IPO7: variants seen among roughly 807,000 people sequenced by gnomAD.
The protein encoded by IPO7 is importin 7.
Under a neutral mutation model 136.4 loss-of-function variants are expected in IPO7, and 13 were observed. The ratio of observed to expected loss-of-function variants is 0.10; its 90% CI spans 0.06 to 0.15. The LOEUF (loss-of-function observed/expected upper bound fraction) is 0.15. IPO7 is among the 10% of genes least tolerant of loss of function. The pLI, the probability that IPO7 is intolerant of heterozygous loss-of-function variation, is 1.00. For synonymous variants in IPO7, 403 were observed against 404.4 expected (o/e 1.00, Z 0.04); for missense variants, 857 against 1,240.6 (o/e 0.69, Z 4.65).
intron 4 of IPO7, among the ~76,000 whole-genome samples, chr11:9,413,119 C>A (rs1480193902): frequency 6.6e-6 from 1 of 152,024 alleles, no homozygotes; most frequent in East Asian, 1.9e-4. Context: ...ACCTCGTGAT[C>A]CTCCCGCCTC....
rs879117301 is a variant in IPO7 at position 9,446,247 on chromosome 11, A to C, written c.*1053A>C. On this transcript the variant is annotated 3_prime_UTR_variant, in exon 25 of 25. Coordinates refer to ENST00000379719, the MANE Select transcript of IPO7 (RefSeq NM_006391.3). ...GGCTATTATGTCTTGATTTGATTGC[A>C]GTTTTTTCCTAATTATAACAAATTT... 1.3e-5 allele frequency: 2 copies of C among 152,224 alleles called. No individual in the cohort carries two copies. The highest frequency in any genetic ancestry group is 4.1e-4 in the South Asian group (2 of 4,832). 9.4% of individuals were successfully genotyped at this position (152,224 alleles called of 1,614,324 possible). A position where few individuals can be genotyped will look rare whatever the true frequency, so the allele number is the denominator to read the frequency against.
intron 22 of IPO7, among the ~76,000 whole-genome samples, chr11:9,439,866 C>T (rs928123850): frequency 1.3e-5 from 2 of 152,198 alleles, no homozygotes; most frequent in African/African-American, 2.4e-5. Context: ...AGCCACCGCG[C>T]CCGGCGAATT....
chr11:9,432,309 C>T (rs1855306119), intron 16 of IPO7, among the ~76,000 whole-genome samples: 1 of 151,184 alleles, frequency 6.6e-6, no homozygotes, highest in South Asian at 2.1e-4. Context: ...TCAAGTGATT[C>T]TCCTGCCTCA....
intron 12 of IPO7, among the ~76,000 whole-genome samples, chr11:9,426,842 C>T (rs765330282): frequency 6.6e-5 from 10 of 152,250 alleles, no homozygotes; most frequent in Middle Eastern, 3.4e-3. Context: ...GCTGCAGCCA[C>T]CAGTCTCCCA....
intron 8 of IPO7, among the ~76,000 whole-genome samples, chr11:9,421,801 G>T (rs1024747503): frequency 6.6e-6 from 1 of 151,834 alleles, no homozygotes; most frequent in African/African-American, 2.4e-5. Flanking sequence ...AAATGTAGCC[G>T]GGCGTGGTGG....
chr11:9,420,777 T>G, intron 8 of IPO7, 79 bp downstream of exon 8: 1 of 999,050 alleles, frequency 1.0e-6, no homozygotes, highest in Non-Finnish European at 1.6e-6. Context: ...CCCAGTTTCT[T>G]TGACATCTAA....
intron 15 of IPO7, 114 bp from the exon 16 acceptor site, chr11:9,430,761 A>T: frequency 1.3e-6 from 1 of 758,732 alleles, no homozygotes; most frequent in South Asian, 1.9e-5. Flanking sequence ...CAATTTGGAG[A>T]CATTGATTTG....
chr11:9,384,884 G>C (rs766176839), intron 1 of IPO7, 37 bp downstream of exon 1: 1 of 1,531,066 alleles, frequency 6.5e-7, no homozygotes, highest in Non-Finnish European at 8.9e-7. Context: ...GCGGGCAGGC[G>C]GGTGGGCAGA....
chr11:9,440,047 A>G (rs1349765993), intron 22 of IPO7, among the ~76,000 whole-genome samples: 1 of 152,232 alleles, frequency 6.6e-6, no homozygotes, highest in Non-Finnish European at 1.5e-5. Context: ...ATAAGACTGT[A>G]CACTATCAGT....
rs1855515654 is a variant in IPO7 at position 9,445,450 on chromosome 11, C to G, written c.*256C>G. ...CTTTATTTTTTGAAGAAAGTAAGAT[C>G]CTGACTCTGAAGCTTCAAAGTGACA... On this transcript the variant is annotated 3_prime_UTR_variant, in exon 25 of 25. Transcript: ENST00000379719. The G allele has an allele frequency of 3.1e-6, 1 of 327,860 alleles. No homozygotes were observed. Among genetic ancestry groups the G allele is most frequent in the African/African-American group, 2.1e-5 (1 of 47,984 alleles). 20.3% of individuals were successfully genotyped at this position (327,860 alleles called of 1,614,324 possible).
At chr11:9,439,508 A>C (rs1172900053) in intron 22 of IPO7, among the ~76,000 whole-genome samples, 1 of 152,178 alleles carries the variant, frequency 6.6e-6, no homozygotes, top group Non-Finnish European at 1.5e-5. Flanking sequence ...CTGAATTAAC[A>C]GTATTAACAA....
chr11:9,428,864 C>T (rs376230087), intron 13 of IPO7, 167 bp from the exon 14 acceptor site: 6 of 796,814 alleles, frequency 7.5e-6, no homozygotes, highest in Middle Eastern at 2.2e-4. Context: ...AAACATCATG[C>T]GGCCAAAGAG....
Position 9,446,221 on chromosome 11 carries a change from C to T in IPO7, c.*1027C>T, listed in dbSNP as rs1334558588. On this transcript the variant is annotated 3_prime_UTR_variant, in exon 25 of 25. Transcript: ENST00000379719. ...TGCAATCTATTAAAAGAACTTAATT[C>T]GGCTATTATGTCTTGATTTGATTGC... The T allele has an allele frequency of 3.3e-5, 5 of 152,122 alleles. No homozygotes were observed. The highest frequency in any genetic ancestry group is 9.7e-5 in the African/African-American group (4 of 41,424). The allele number at this position is 152,122 out of a possible 1,614,324, so 9.4% of individuals were successfully genotyped here. A position where few individuals can be genotyped will look rare whatever the true frequency, so the allele number is the denominator to read the frequency against.
At chr11:9,387,260 C>T (rs545522178) in intron 1 of IPO7, among the ~76,000 whole-genome samples, 1 of 152,298 alleles carries the variant, frequency 6.6e-6, no homozygotes, top group South Asian at 2.1e-4. Context: ...GTGAAATAAT[C>T]ACTGACTCAA....
chr11:9,447,398 A>T lies in IPO7; in HGVS notation c.*2204A>T, dbSNP rs1855543902. ...TGAAATTAGACCTTATAATTAAACT[A>T]TTTAAATAGTGTTCAAATGATAGTT... On this transcript the variant is annotated 3_prime_UTR_variant, in exon 25 of 25. Transcript: ENST00000379719. 1 of 152,184 alleles carries T rather than the reference A, an allele frequency of 6.6e-6. No homozygotes were observed. The allele number at this position is 152,184 out of a possible 1,614,324, so 9.4% of individuals were successfully genotyped here. A position where few individuals can be genotyped will look rare whatever the true frequency, so the allele number is the denominator to read the frequency against.
chr11:9,445,020 T>A (rs1326804928), intron 24 of IPO7, 77 bp from the exon 25 acceptor site: 1 of 897,526 alleles, frequency 1.1e-6, no homozygotes, highest in Non-Finnish European at 1.9e-6. Context: ...AGCTACTGGC[T>A]TGTTTAATGT....
chr11:9,435,866 T>G (rs762041354), intron 19 of IPO7, among the ~76,000 whole-genome samples: 1 of 152,196 alleles, frequency 6.6e-6, no homozygotes, highest in Non-Finnish European at 1.5e-5. Flanking sequence ...TGTTTTCTTT[T>G]TTAAAGAGAA....
At chr11:9,399,306 G>C (rs1307612382) in intron 1 of IPO7, among the ~76,000 whole-genome samples, 1 of 151,986 alleles carries the variant, frequency 6.6e-6, no homozygotes, top group Non-Finnish European at 1.5e-5. Flanking sequence ...GGGATTACAG[G>C]CATGCACCAC....
At chr11:9,397,328 T>TACAA (rs1417852276) in intron 1 of IPO7, among the ~76,000 whole-genome samples, 7 of 934 alleles carry the variant, frequency 7.5e-3, no homozygotes, top group African/African-American at 9.5e-3. Flanking sequence ...TTACTAAAAA[T>TACAA]AATTTAAAAA....
Sources: gnomAD v4.1 joint callset for allele counts (sites outside exome capture counted in the v4.1 genomes callset) on GRCh38, gnomAD v4.1.1 for gene constraint, MANE v1.5 for transcripts, NCBI Gene and HGNC (gene_info 2026-07-23, HGNC 2026-07-21) for gene names.